NIBAN3: variants seen among roughly 807,000 people sequenced by gnomAD.
The protein encoded by NIBAN3 is niban apoptosis regulator 3.
In NIBAN3, 66 loss-of-function variants were observed where a neutral mutation model predicts 76.4. The observed-to-expected ratio is 0.86, with a 90% CI of 0.71 to 1.06. The LOEUF (loss-of-function observed/expected upper bound fraction) is 1.06. NIBAN3 is among the 50% of genes least tolerant of loss of function. NIBAN3 has a pLI of 0.00. For synonymous variants in NIBAN3, 360 were observed against 355.2 expected, an observed-to-expected ratio of 1.01 and a Z score of -0.15; for missense variants, 808 against 810.7, an observed-to-expected ratio of 1.00 and a Z score of 0.04.
Position 17,539,600 on chromosome 19 carries a change from C to A in NIBAN3, c.817-3C>A. 6.5e-7 allele frequency: 1 copy of A among 1,544,956 alleles called. No individual in the cohort carries two copies. The highest frequency in any genetic ancestry group is 2.4e-5 in the East Asian group (1 of 41,396). ...TTTGTCCCCCCTCGACCGGTCTGGG[C>A]AGCTTCTAGACGCCGTTCACGCAGC... On this transcript the variant is annotated splice_polypyrimidine_tract_variant and splice_region_variant and intron_variant, in intron 7 of 14. Transcript: ENST00000599164.
At position 17,542,030 on chromosome 19, in the gene NIBAN3, T is replaced by G; in HGVS notation, c.1171-106T>G. On this transcript the variant is annotated intron_variant, in intron 9 of 14. Transcript: ENST00000599164. This position sits in a 1 kb window ranked among gnomAD's most constrained non-coding sequence, Gnocchi z 4.8. ...TTCTTTGGTGACAGCTGAGACGGGA[T>G]GTATTTTCATTTGTGTTTCTCCTTT... 1.5e-6 allele frequency: 2 copies of G among 1,327,616 alleles called. No individual in the cohort carries two copies. Among genetic ancestry groups the G allele is most frequent in the Non-Finnish European group, 2.2e-6 (2 of 929,784 alleles). The allele number at this position is 1,327,616 out of a possible 1,614,324, so 82.2% of individuals were successfully genotyped here.
rs1357704556 is a variant in NIBAN3, at chr19:17,543,391, G to C, written c.1404G>C (p.Gln468His). 6.2e-7 allele frequency: 1 copy of C among 1,610,012 alleles called. No homozygotes were observed. Residue 468 changes from glutamine to histidine, a missense_variant, in exon 11 of 15, where the codon CAG becomes CAC. Physicochemically the swap from Gln to His is conservative, Grantham distance 24. Coordinates refer to ENST00000599164, the MANE Select transcript of NIBAN3 (RefSeq NM_001321827.2). ...TGACGACGGCCCTCAACTGTGACCA[G>C]GCTGCCCAGAGGCTGGAGAGAGTCA... ...QCLTTALNCD[Q>H]AAQRLERVRG...
upstream of NIBAN3, among the ~76,000 whole-genome samples, chr19:17,525,483 A>T (rs1297218912): frequency 2.6e-5 from 4 of 152,212 alleles, no homozygotes; most frequent in Non-Finnish European, 5.9e-5. Context: ...AAATGCTGGG[A>T]CATAAAGGTC....
upstream of NIBAN3, among the ~76,000 whole-genome samples, chr19:17,523,707 G>T (rs983650384): frequency 6.6e-6 from 1 of 152,072 alleles, no homozygotes; most frequent in Non-Finnish European, 1.5e-5. Context: ...AAGGCTCCAC[G>T]TGGCCCCTTT....
intron 9 of NIBAN3, among the ~76,000 whole-genome samples, chr19:17,540,838 A>G (rs1421094331): frequency 2.0e-5 from 3 of 152,150 alleles, no homozygotes; most frequent in African/African-American, 4.8e-5. Flanking sequence ...GGCTTAATCA[A>G]TCCTCTTACT....
chr19:17,524,402 C>T (rs1466330048), upstream of NIBAN3, among the ~76,000 whole-genome samples: 1 of 152,040 alleles, frequency 6.6e-6, no homozygotes, highest in African/African-American at 2.4e-5. Context: ...TCTCCTGACT[C>T]AGCCTCCTGA....
chr19:17,540,586 A>G lies in NIBAN3; in HGVS notation c.1170+4A>G. 1 of 1,492,844 alleles carries G rather than the reference A, an allele frequency of 6.7e-7. No homozygotes were observed. The highest frequency in any genetic ancestry group is 8.9e-7 in the Non-Finnish European group (1 of 1,117,808). The allele number at this position is 1,492,844 out of a possible 1,614,324, so 92.5% of individuals were successfully genotyped here. ...AGGCACGCGGCTGCGCAGGGAGGTGAGCTCCCGTGGGTAGGGGTTCAGTGA... is the reference window on the plus strand; with the variant it reads ...AGGCACGCGGCTGCGCAGGGAGGTGGGCTCCCGTGGGTAGGGGTTCAGTGA... On this transcript the variant is annotated splice_donor_region_variant and intron_variant, in intron 9 of 14. Coordinates refer to ENST00000599164, the MANE Select transcript of NIBAN3 (RefSeq NM_001321827.2).
intron 3 of NIBAN3, chr19:17,533,366 C>T (rs942931915): frequency 4.5e-5 from 21 of 461,800 alleles, no homozygotes; most frequent in African/African-American, 1.8e-4. Flanking sequence ...GCTGAGATCG[C>T]GCCATCGCAC....
At chr19:17,527,866 T>C (rs1279795212) in intron 1 of NIBAN3, among the ~76,000 whole-genome samples, 1 of 152,054 alleles carries the variant, frequency 6.6e-6, no homozygotes, top group Non-Finnish European at 1.5e-5. Context: ...TAATTTTTTA[T>C]TTGTTTTCGT....
Position 17,533,605 on chromosome 19 carries a change from C to T in NIBAN3, c.331C>T (p.His111Tyr). Reference sequence around the variant, plus strand: ...TTTGTAGGAATATGAAAACGGGGGCCACTGCCTTGGCTCAACAGCCCTGAC... The same window carrying T: ...TTTGTAGGAATATGAAAACGGGGGCTACTGCCTTGGCTCAACAGCCCTGAC... ...SHKEEYENGG[H>Y]CLGSTALTGY... The change falls in exon 4 of 15, where the codon CAC becomes TAC. Residue 111 changes from histidine (H) to tyrosine (Y), a missense_variant. Transcript: ENST00000599164. 2 of 1,613,920 alleles carry T rather than the reference C, an allele frequency of 1.2e-6. No individual in the cohort carries two copies. Among genetic ancestry groups the T allele is most frequent in the Non-Finnish European group, 1.7e-6 (2 of 1,179,868 alleles).
intron 4 of NIBAN3, among the ~76,000 whole-genome samples, chr19:17,536,291 A>G (rs2075823347): frequency 1.3e-5 from 2 of 152,136 alleles, no homozygotes; most frequent in Non-Finnish European, 2.9e-5. Context: ...CCCAGGCTCA[A>G]GTGATCCTCC....
chr19:17,545,988 A>G, intron 12 of NIBAN3: 2 of 440,776 alleles, frequency 4.5e-6, no homozygotes, highest in Non-Finnish European at 9.2e-6. Flanking sequence ...CGCTACCGCT[A>G]GACCACGGTC....
At chr19:17,529,541 C>T (rs1287041390) in intron 1 of NIBAN3, among the ~76,000 whole-genome samples, 2 of 152,180 alleles carry the variant, frequency 1.3e-5, no homozygotes, top group Non-Finnish European at 2.9e-5. Flanking sequence ...AGCTAGTCAC[C>T]CATCACCCAT....
Position 17,540,589 on chromosome 19 carries a change from TC to T in NIBAN3, c.1170+10del. ...CACGCGGCTGCGCAGGGAGGTGAGC[TC>T]CCGTGGGTAGGGGTTCAGTGAGCCA... On this transcript the variant is annotated splice_region_variant and intron_variant, in intron 9 of 14. Transcript: ENST00000599164. 6.7e-7 allele frequency: 1 copy of T among 1,482,206 alleles called. No individual in the cohort carries two copies. The highest frequency in any genetic ancestry group is 9.0e-7 in the Non-Finnish European group (1 of 1,112,946). The allele number at this position is 1,482,206 out of a possible 1,614,324, so 91.8% of individuals were successfully genotyped here.
downstream of NIBAN3, among the ~76,000 whole-genome samples, chr19:17,555,045 G>A (rs917155470): frequency 3.9e-5 from 6 of 152,012 alleles, no homozygotes; most frequent in African/African-American, 1.5e-4. Context: ...CTTGTCTCTG[G>A]AAGAGCTTGT....
rs1350911100 is a variant in NIBAN3 at position 17,552,002 on chromosome 19, C to T, written c.*104C>T. ...CTTTAGGCTTTTGTAACCCCTGCAACTTCAGAAAACTGTACCATTTTATAC... is the reference window on the plus strand; with the variant it reads ...CTTTAGGCTTTTGTAACCCCTGCAATTTCAGAAAACTGTACCATTTTATAC... On this transcript the variant is annotated 3_prime_UTR_variant, in exon 15 of 15. Coordinates refer to ENST00000599164, the MANE Select transcript of NIBAN3 (RefSeq NM_001321827.2). 3.4e-6 allele frequency: 2 copies of T among 580,708 alleles called. No homozygotes were observed. Among genetic ancestry groups the T allele is most frequent in the African/African-American group, 3.7e-5 (2 of 53,738 alleles). 36.0% of individuals were successfully genotyped at this position (580,708 alleles called of 1,614,324 possible).
At chr19:17,524,442 C>T (rs546231332), upstream of NIBAN3, among the ~76,000 whole-genome samples, 25 of 124,112 alleles carry the variant, frequency 2.0e-4, no homozygotes, top group Middle Eastern at 3.9e-3. Flanking sequence ...CCCACCACAA[C>T]GCCCGCTATT....
intron 13 of NIBAN3, among the ~76,000 whole-genome samples, chr19:17,548,491 G>A (rs2076099235): frequency 6.6e-6 from 1 of 152,154 alleles, no homozygotes; most frequent in African/African-American, 2.4e-5. Context: ...GCGGGTGGGA[G>A]CTGGAGGTGC....
At chr19:17,546,580 C>A (rs547656218) in intron 12 of NIBAN3, 106 bp from the exon 13 acceptor site, 1 of 1,306,280 alleles carries the variant, frequency 7.7e-7, no homozygotes, top group Non-Finnish European at 9.7e-7. Context: ...GCCCCGCCCC[C>A]CAACCCCACA....
Sources: gnomAD v4.1 joint callset for allele counts (sites outside exome capture counted in the v4.1 genomes callset) on GRCh38, gnomAD v4.1.1 for gene constraint, Gnocchi (gnomAD v3.1) non-coding constraint, MANE v1.5 for transcripts, NCBI Gene and HGNC (gene_info 2026-07-23, HGNC 2026-07-21) for gene names.